UTP4: variants seen among roughly 807,000 people sequenced by gnomAD.
UTP4 encodes the protein U3 small nucleolar RNA-associated protein 4 homolog.
UTP4 carries 45 observed loss-of-function variants against 82.4 expected under a neutral mutation model. The ratio of observed to expected loss-of-function variants is 0.55; its 90% CI spans 0.43 to 0.70. The LOEUF is 0.70. Among genes scored for constraint, UTP4 ranks in the 30% least tolerant of loss-of-function variants. UTP4 has a pLI of 0.00. For missense variants in UTP4, 819 were observed against 858.3 expected, an observed-to-expected ratio of 0.95 and a Z score of 0.57; for synonymous variants, 348 against 300.3, an observed-to-expected ratio of 1.16 and a Z score of -1.64.
chr16:69,143,640 C>T (rs919242005), intron 6 of UTP4, among the ~76,000 whole-genome samples: 3 of 152,128 alleles, frequency 2.0e-5, no homozygotes, highest in Non-Finnish European at 4.4e-5. Context: ...ACTTCCAGTT[C>T]GTCTTGTTTG....
intron 11 of UTP4, among the ~76,000 whole-genome samples, chr16:69,156,508 G>T (rs1963419559): frequency 2.7e-5 from 4 of 150,164 alleles, no homozygotes; most frequent in South Asian, 4.3e-4. Flanking sequence ...ACCCAGGCTG[G>T]AGTGCAATGG....
chr16:69,145,738 A>G (rs888133820), intron 6 of UTP4, among the ~76,000 whole-genome samples: 2 of 151,980 alleles, frequency 1.3e-5, no homozygotes, highest in African/African-American at 4.8e-5. Context: ...GTCCTTGGAA[A>G]ATGCTTTCCT....
intron 16 of UTP4, among the ~76,000 whole-genome samples, chr16:69,168,433 CAAAAAAAAAAAAAAA>C (rs34234554): frequency 1.7e-4 from 9 of 51,604 alleles, no homozygotes; most frequent in Non-Finnish European, 3.0e-4. Context: ...GAGACTGTCT[CAAAAAAAAAAAAAAA>C]AAAAAAAAAG....
At position 69,163,115 on chromosome 16, in the gene UTP4, A is replaced by G. The variant is rs538492909; in HGVS notation, c.1584A>G (p.Pro528=). The G allele has an allele frequency of 1.2e-6, 2 of 1,614,158 alleles. No homozygotes were observed. The highest frequency in any genetic ancestry group is 1.7e-5 in the Admixed American group (1 of 60,010). The change falls in exon 14 of 17, where the codon CCA becomes CCG. Residue 528 remains proline, a synonymous_variant. Transcript: ENST00000314423. ...LHCTVPAYNF[P]VTAMAIAPNT... ...GCACGGTGCCTGCTTACAATTTCCC[A>G]GTGACTGCTATGGCTATTGCCCCCA...
chr16:69,164,592 A>ATATATATATATATATATATATATATG (rs1963650676), intron 14 of UTP4, among the ~76,000 whole-genome samples: 5 of 119,400 alleles, frequency 4.2e-5, no homozygotes, highest in African/African-American at 5.9e-5. Context: ...TTCTTTATAT[A>ATATATATATATATATATATATATATG]TATATATATA....
At chr16:69,141,920 G>A (rs1962969698) in intron 5 of UTP4, among the ~76,000 whole-genome samples, 2 of 151,500 alleles carry the variant, frequency 1.3e-5, no homozygotes, top group African/African-American at 4.9e-5. Context: ...CATGTGCCAT[G>A]CTGGTGTGCT....
chr16:69,160,211 G>C, intron 12 of UTP4, 145 bp from the exon 13 acceptor site: 1 of 756,040 alleles, frequency 1.3e-6, no homozygotes, highest in Non-Finnish European at 2.4e-6. Context: ...TTAACATCTA[G>C]AAGTAATTTG....
intron 2 of UTP4, among the ~76,000 whole-genome samples, chr16:69,134,272 A>C (rs760199320): frequency 1.3e-5 from 2 of 151,702 alleles, no homozygotes; most frequent in Non-Finnish European, 2.9e-5. Flanking sequence ...TAGATGGGCA[A>C]ATGAGTGAAT....
chr16:69,143,668 G>A (rs940910957), intron 6 of UTP4, among the ~76,000 whole-genome samples: 1 of 152,216 alleles, frequency 6.6e-6, no homozygotes, highest in Non-Finnish European at 1.5e-5. Flanking sequence ...ATAGGGCACA[G>A]CAGCCTAGAA....
chr16:69,155,728 AATGCAG>A, intron 10 of UTP4, 137 bp from the exon 11 acceptor site: 1 of 866,958 alleles, frequency 1.2e-6, no homozygotes, highest in Non-Finnish European at 1.9e-6. Context: ...TAATCATATT[AATGCAG>A]ACCACACGAG....
chr16:69,160,521 G>C, intron 13 of UTP4, 59 bp downstream of exon 13: 1 of 1,220,142 alleles, frequency 8.2e-7, no homozygotes, highest in Non-Finnish European at 1.2e-6. Context: ...AGTTCACCCT[G>C]CAGTTACAAG....
intron 15 of UTP4, 82 bp from the exon 16 acceptor site, chr16:69,166,993 G>T: frequency 1.1e-6 from 1 of 907,926 alleles, no homozygotes; most frequent in South Asian, 1.3e-5. Context: ...GATGATGTTG[G>T]GCTCAAAATG....
chr16:69,166,738 A>G, intron 15 of UTP4: 3 of 308,948 alleles, frequency 9.7e-6, no homozygotes, highest in Non-Finnish European at 1.8e-5. Flanking sequence ...AGTGATACTG[A>G]TGAGACAGGC....
intron 2 of UTP4, among the ~76,000 whole-genome samples, chr16:69,135,174 A>G (rs1567599375): frequency 6.6e-6 from 1 of 152,194 alleles, no homozygotes; most frequent in South Asian, 2.1e-4. Flanking sequence ...TGATACTCAC[A>G]TCTGCATTCC....
At chr16:69,157,484 G>A (rs1333216436) in intron 12 of UTP4, among the ~76,000 whole-genome samples, 4 of 152,176 alleles carry the variant, frequency 2.6e-5, no homozygotes, top group Non-Finnish European at 5.9e-5. Flanking sequence ...TGGGGCCAGA[G>A]AAATTTCATC....
chr16:69,164,130 C>T (rs552266157), intron 14 of UTP4, among the ~76,000 whole-genome samples: 5 of 151,920 alleles, frequency 3.3e-5, no homozygotes, highest in East Asian at 1.9e-4. Context: ...GTGATCCGCC[C>T]GCCTCGGCCT....
intron 11 of UTP4, among the ~76,000 whole-genome samples, chr16:69,156,421 T>C (rs141534054): frequency 4.4e-4 from 66 of 150,962 alleles, no homozygotes; most frequent in Non-Finnish European, 8.4e-4. Context: ...CCTCCCAAAG[T>C]GCTGGGTGCT....
chr16:69,151,494 T>C (rs1319708947), intron 8 of UTP4, among the ~76,000 whole-genome samples: 1 of 151,796 alleles, frequency 6.6e-6, no homozygotes, highest in Admixed American at 6.6e-5. Flanking sequence ...GCTAATTTTT[T>C]TATTTTTAGT....
In UTP4 at chr16:69,133,703, C is replaced by T. The variant is rs1962722370; in HGVS notation, c.159+85C>T. On this transcript the variant is annotated intron_variant, in intron 2 of 16. Coordinates refer to ENST00000314423, the MANE Select transcript of UTP4 (RefSeq NM_032830.3). ...AGCTTGTATGTCTTTTATAATCAAACTGATTGAGTGACTTCCTAGCCCCTC... is the reference window on the plus strand; with the variant it reads ...AGCTTGTATGTCTTTTATAATCAAATTGATTGAGTGACTTCCTAGCCCCTC... 2.0e-5 allele frequency: 28 copies of T among 1,397,046 alleles called. No homozygotes were observed. The South Asian group carries it at 2.9e-4, about 15-fold the overall frequency. The allele number at this position is 1,397,046 out of a possible 1,614,324, so 86.5% of individuals were successfully genotyped here.
Sources: allele counts gnomAD v4.1 joint callset (sites outside exome capture counted in the v4.1 genomes callset), GRCh38; gene constraint gnomAD v4.1.1; transcripts MANE v1.5; gene names NCBI Gene and HGNC (gene_info 2026-07-23, HGNC 2026-07-21).